Variants in FBXW10 observed in about 807,000 individuals in gnomAD.
FBXW10 encodes the protein F-box/WD repeat-containing protein 10.
A neutral mutation model predicts 113.1 loss-of-function variants in FBXW10; 68 were observed. That is an observed-to-expected ratio of 0.60 (90% CI 0.49 to 0.74). The LOEUF is 0.74. Among genes scored for constraint, FBXW10 ranks in the 30% least tolerant of loss-of-function variants. The pLI is 0.00. For synonymous variants in FBXW10, 289 were observed against 481.6 expected (o/e 0.60, Z 5.24); for missense variants, 753 against 1,284.5 (o/e 0.59, Z 6.32).
In FBXW10 at chr17:18,779,319, A is replaced by G. The variant is rs2014354; in HGVS notation, c.*21A>G. 0.014 allele frequency: 12,924 copies of G among 903,136 alleles called. 4,263 individuals carry two copies. The highest frequency in any genetic ancestry group is 0.023 in the African/African-American group (951 of 40,532). The allele number at this position is 903,136 out of a possible 1,614,324, so 55.9% of individuals were successfully genotyped here. On this transcript the variant is annotated 3_prime_UTR_variant, in exon 14 of 14. Transcript: ENST00000395665. ...TCTAAACCAGCCTTGGGAAATTACA[A>G]TGTTTTACAATAAACAGAAAGCCAA...
chr17:18,774,468 C>T (rs995759812), intron 12 of FBXW10, among the ~76,000 whole-genome samples: 29 of 152,176 alleles, frequency 1.9e-4, no homozygotes, highest in African/African-American at 6.5e-4. Flanking sequence ...TAAGTTCCAG[C>T]GTTTGGTTGC....
intron 13 of FBXW10, among the ~76,000 whole-genome samples, chr17:18,776,091 A>G (rs9908821): frequency 0.48 from 72,906 of 151,386 alleles, 17,845 homozygotes; most frequent in Non-Finnish European, 0.51. Flanking sequence ...GGTGGAGATG[A>G]GCGGATTGCC....
chr17:18,755,554 G>GA (rs113240009), intron 5 of FBXW10, among the ~76,000 whole-genome samples: 62,762 of 148,568 alleles, frequency 0.42, 12,416 homozygotes, highest in East Asian at 0.59. Flanking sequence ...GACTCCGTCT[G>GA]AAAAAAAAAA....
At chr17:18,757,456 CT>C (rs1233066843) in intron 6 of FBXW10, among the ~76,000 whole-genome samples, 4 of 152,210 alleles carry the variant, frequency 2.6e-5, no homozygotes, top group Admixed American at 2.6e-4. Context: ...GGAACAATCC[CT>C]CTCTAGTCTG....
At chr17:18,777,229 T>C (rs556324591) in intron 13 of FBXW10, among the ~76,000 whole-genome samples, 1 of 151,390 alleles carries the variant, frequency 6.6e-6, no homozygotes, top group Admixed American at 6.6e-5. Context: ...GCCCGGCTAA[T>C]TTTTTTGTAT....
chr17:18,760,632 C>G (rs1335416367), intron 7 of FBXW10, among the ~76,000 whole-genome samples: 1 of 152,090 alleles, frequency 6.6e-6, no homozygotes, highest in Admixed American at 6.5e-5. Context: ...GGAGAAACCC[C>G]GTCTCTACTA....
chr17:18,761,801 A>G (rs1390341925), intron 7 of FBXW10, among the ~76,000 whole-genome samples: 10 of 152,180 alleles, frequency 6.6e-5, no homozygotes, highest in Non-Finnish European at 1.2e-4. Context: ...TTTTATTACT[A>G]TTGTGAATGG....
Position 18,744,745 on chromosome 17 carries a change from C to A in FBXW10, c.501C>A (p.Ile167=), listed in dbSNP as rs1172044318. Residue 167 remains isoleucine (I), a synonymous_variant, in exon 1 of 14, where the codon ATC becomes ATA. Coordinates refer to ENST00000395665, the MANE Select transcript of FBXW10 (RefSeq NM_001267585.2). Reference sequence around the variant, plus strand: ...TGTTTCTGAGAGAGGAGAACAATATCTCAGGTAAACAAGGCCACAGGCAGA... The same window carrying A: ...TGTTTCTGAGAGAGGAGAACAATATATCAGGTAAACAAGGCCACAGGCAGA... ...RVLFLREENN[I]SGLNQDITDV... 6.2e-7 allele frequency: 1 copy of A among 1,612,760 alleles called. No individual in the cohort carries two copies. The highest frequency in any genetic ancestry group is 1.3e-5 in the African/African-American group (1 of 74,982).
chr17:18,766,790 T>C lies in FBXW10; in HGVS notation c.1632T>C (p.Asp544=), dbSNP rs1339461256. ...CCATCTTGGCCACCAGGATCAATGA[T>C]ACCTACATTGTGAGCAGCTGTGAGC... The part of the protein sequence containing the change: ...KDPILATRIN[D]TYIVSSCERG... The change falls in exon 9 of 14, where the codon GAT becomes GAC. Residue 544 remains aspartate (D), a synonymous_variant. Transcript: ENST00000395665. 1 of 1,612,000 alleles carries C rather than the reference T, an allele frequency of 6.2e-7. No individual in the cohort carries two copies. Among genetic ancestry groups the C allele is most frequent in the Non-Finnish European group, 8.5e-7 (1 of 1,178,150 alleles).
At chr17:18,751,544 C>T (rs910984259) in intron 5 of FBXW10, among the ~76,000 whole-genome samples, 1 of 152,162 alleles carries the variant, frequency 6.6e-6, no homozygotes, top group Admixed American at 6.6e-5. Flanking sequence ...ACTTCCTCTT[C>T]TTAAGCCTTG....
At chr17:18,760,889 T>C (rs2035368584) in intron 7 of FBXW10, among the ~76,000 whole-genome samples, 1 of 152,238 alleles carries the variant, frequency 6.6e-6, no homozygotes, top group Non-Finnish European at 1.5e-5. Context: ...AGAGATATTT[T>C]CTAATATTTT....
chr17:18,764,093 A>G (rs2035438867), intron 7 of FBXW10, among the ~76,000 whole-genome samples: 1 of 145,832 alleles, frequency 6.9e-6, no homozygotes, highest in Non-Finnish European at 1.5e-5. Context: ...CACCAAAAAT[A>G]TCTCCAGATA....
Position 18,756,077 on chromosome 17 carries a change from C to T in FBXW10, c.1155C>T (p.Asn385=), listed in dbSNP as rs200851525. ...ACAACCTGTGGACTGCATACCAGAACGAGGAAACGCAGCAGGTCCTGATAG... is the reference window on the plus strand; with the variant it reads ...ACAACCTGTGGACTGCATACCAGAATGAGGAAACGCAGCAGGTCCTGATAG... ...NEYNLWTAYQ[N]EETQQVLIEE... Residue 385 remains asparagine, a synonymous_variant, in exon 6 of 14, where the codon AAC becomes AAT. Coordinates refer to ENST00000395665, the MANE Select transcript of FBXW10 (RefSeq NM_001267585.2). The T allele has an allele frequency of 2.4e-5, 38 of 1,613,796 alleles. No individual in the cohort carries two copies. Among genetic ancestry groups the T allele is most frequent in the Admixed American group, 6.7e-5 (4 of 59,982 alleles).
intron 9 of FBXW10, among the ~76,000 whole-genome samples, chr17:18,767,187 G>A (rs1336461548): frequency 1.3e-5 from 2 of 151,890 alleles, no homozygotes; most frequent in Admixed American, 1.3e-4. Flanking sequence ...ATTGCACTCT[G>A]TAGGGCCAGG....
chr17:18,748,445 G>A (rs1009003347), intron 2 of FBXW10, among the ~76,000 whole-genome samples: 13 of 145,898 alleles, frequency 8.9e-5, no homozygotes, highest in African/African-American at 3.0e-4. Flanking sequence ...AAGCCAATAT[G>A]CAACCAATGT....
rs114067349 is a variant in FBXW10, at chr17:18,745,377, C to T, written c.505+628C>T. On this transcript the variant is annotated intron_variant, in intron 1 of 13. Coordinates refer to ENST00000395665, the MANE Select transcript of FBXW10 (RefSeq NM_001267585.2). Reference sequence around the variant, plus strand: ...AAAACAAGCTCCTCCCCCAGAACTTCGGACTCAGCAGGTCTGAGGTGGGCC... The same window carrying T: ...AAAACAAGCTCCTCCCCCAGAACTTTGGACTCAGCAGGTCTGAGGTGGGCC... 2.6e-3 allele frequency: 1,355 copies of T among 527,636 alleles called. 8 individuals carry two copies. The highest frequency in any genetic ancestry group is 0.017 in the African/African-American group (822 of 48,222). The allele number at this position is 527,636 out of a possible 1,614,324, so 32.7% of individuals were successfully genotyped here.
At chr17:18,751,604 T>C (rs1445130527) in intron 5 of FBXW10, among the ~76,000 whole-genome samples, 1 of 152,212 alleles carries the variant, frequency 6.6e-6, no homozygotes, top group African/African-American at 2.4e-5. Context: ...CCTCTCAGGG[T>C]TCTTCCTTAC....
At chr17:18,772,928 CTTT>C (rs940811811) in intron 12 of FBXW10, among the ~76,000 whole-genome samples, 8 of 135,626 alleles carry the variant, frequency 5.9e-5, no homozygotes, top group Admixed American at 1.5e-4. Flanking sequence ...TTCTTTCTTT[CTTT>C]TTTTTTTTTT....
intron 5 of FBXW10, among the ~76,000 whole-genome samples, chr17:18,752,178 T>C (rs1421082507): frequency 6.6e-6 from 1 of 151,708 alleles, no homozygotes; most frequent in Non-Finnish European, 1.5e-5. Flanking sequence ...AGGAGACGGG[T>C]CGTGTGGGCA....
Sources: allele counts gnomAD v4.1 joint callset (sites outside exome capture counted in the v4.1 genomes callset), GRCh38; gene constraint gnomAD v4.1.1; transcripts MANE v1.5; gene names NCBI Gene and HGNC (gene_info 2026-07-23, HGNC 2026-07-21).